ARHGAP42: variants seen among roughly 807,000 people sequenced by gnomAD.
ARHGAP42 encodes rho GTPase-activating protein 42.
Under a neutral mutation model 125.0 loss-of-function variants are expected in ARHGAP42, and 63 were observed. The observed-to-expected ratio is 0.50, with a 90% CI of 0.41 to 0.62. The LOEUF is 0.62. ARHGAP42 is among the 20% of genes least tolerant of loss of function. ARHGAP42 has a pLI of 0.00. For synonymous variants in ARHGAP42, 339 were observed against 351.0 expected, an observed-to-expected ratio of 0.97 and a Z score of 0.38; for missense variants, 766 against 1,024.2, an observed-to-expected ratio of 0.75 and a Z score of 3.44.
intron 1 of ARHGAP42, among the ~76,000 whole-genome samples, chr11:100,718,263 A>G (rs1045515139): frequency 2.0e-5 from 3 of 152,152 alleles, no homozygotes; most frequent in Non-Finnish European, 4.4e-5. Context: ...TTCAAGGTAG[A>G]ACTTGGCCAG....
intron 1 of ARHGAP42, among the ~76,000 whole-genome samples, chr11:100,769,933 C>T (rs1218246182): frequency 2.0e-5 from 3 of 151,922 alleles, no homozygotes; most frequent in Non-Finnish European, 4.4e-5. Flanking sequence ...CTATAACACA[C>T]GTTTACCTAT....
intron 17 of ARHGAP42, among the ~76,000 whole-genome samples, chr11:100,971,768 A>G (rs1308963842): frequency 1.3e-5 from 2 of 152,192 alleles, no homozygotes; most frequent in African/African-American, 2.4e-5. Context: ...GAGATCATAT[A>G]CAATTTATTA....
In ARHGAP42 at chr11:100,989,378, G is replaced by A. The variant is rs569709635; in HGVS notation, c.*577G>A. On this transcript the variant is annotated 3_prime_UTR_variant, in exon 24 of 24. Transcript: ENST00000298815. Reference sequence around the variant, plus strand: ...GATGATAATATTCAAAAGCAATAATGTATATGATATCTATAAAGGAAGCAA... The same window carrying A: ...GATGATAATATTCAAAAGCAATAATATATATGATATCTATAAAGGAAGCAA... The A allele has an allele frequency of 2.8e-6, 1 of 354,758 alleles. No homozygotes were observed. The highest frequency in any genetic ancestry group is 4.1e-5 in the East Asian group (1 of 24,562). The allele number at this position is 354,758 out of a possible 1,614,324, so 22.0% of individuals were successfully genotyped here.
At chr11:100,716,029 G>T (rs80096266) in intron 1 of ARHGAP42, among the ~76,000 whole-genome samples, 4,044 of 152,234 alleles carry the variant, frequency 0.027, 68 homozygotes, top group Non-Finnish European at 0.031. Context: ...AAGCAGAAAT[G>T]AATAATCTTC....
intron 3 of ARHGAP42, among the ~76,000 whole-genome samples, chr11:100,813,353 A>C (rs1450720879): frequency 6.6e-6 from 1 of 152,200 alleles, no homozygotes; most frequent in Non-Finnish European, 1.5e-5. Flanking sequence ...AAAGTCAACC[A>C]GTTGAAAACT....
intron 3 of ARHGAP42, among the ~76,000 whole-genome samples, chr11:100,806,594 A>AT (rs1863995124): frequency 1.9e-5 from 1 of 53,184 alleles, no homozygotes; most frequent in Non-Finnish European, 4.1e-5. Flanking sequence ...TTCACCTGAA[A>AT]TTAAAAAAAA....
At chr11:100,723,037 C>A (rs1233249620) in intron 1 of ARHGAP42, among the ~76,000 whole-genome samples, 1 of 152,130 alleles carries the variant, frequency 6.6e-6, no homozygotes, top group East Asian at 1.9e-4. Context: ...GTTGTTCCAG[C>A]ATCATTTGTT....
intron 5 of ARHGAP42, among the ~76,000 whole-genome samples, chr11:100,916,546 A>T (rs1867070941): frequency 6.6e-6 from 1 of 152,216 alleles, no homozygotes; most frequent in South Asian, 2.1e-4. Context: ...GCAAATAACA[A>T]CATGTCATTT....
intron 4 of ARHGAP42, among the ~76,000 whole-genome samples, chr11:100,865,270 A>T (rs1297669430): frequency 6.6e-6 from 1 of 152,170 alleles, no homozygotes; most frequent in Non-Finnish European, 1.5e-5. Flanking sequence ...TATCCAAAAA[A>T]ATCTATATAT....
chr11:100,688,772 C>G (rs1444623230), intron 1 of ARHGAP42, among the ~76,000 whole-genome samples: 1 of 152,072 alleles, frequency 6.6e-6, no homozygotes, highest in South Asian at 2.1e-4. Flanking sequence ...TCAAAGGAGC[C>G]TGTGAAAAGT....
chr11:100,885,628 T>G (rs900292661), intron 4 of ARHGAP42, among the ~76,000 whole-genome samples: 7 of 152,194 alleles, frequency 4.6e-5, no homozygotes, highest in African/African-American at 1.7e-4. Flanking sequence ...TTTTGAAAAT[T>G]TATTTATCAT....
chr11:100,783,036 C>T (rs1863351499), intron 2 of ARHGAP42, among the ~76,000 whole-genome samples: 3 of 152,138 alleles, frequency 2.0e-5, no homozygotes, highest in Non-Finnish European at 2.9e-5. Flanking sequence ...TGGGCTCTAC[C>T]ATAGGCCTGA....
rs1864173422 is a variant in ARHGAP42, at chr11:100,812,615, A to T, written c.312+17449A>T. On this transcript the variant is annotated intron_variant, in intron 3 of 23. Coordinates refer to ENST00000298815, the MANE Select transcript of ARHGAP42 (RefSeq NM_152432.4). Reference sequence around the variant, plus strand: ...ATGTCATTTAAGCAGAGACCTGACAAAGAAAGAAGTCAGTCTTACAACTCT... The same window carrying T: ...ATGTCATTTAAGCAGAGACCTGACATAGAAAGAAGTCAGTCTTACAACTCT... Among the ~76,000 whole-genome samples the T allele has an allele frequency of 3.3e-5, 5 of 152,224 alleles. No homozygotes were observed. In the South Asian group the frequency reaches 8.3e-4, roughly 25 times the overall value.
chr11:100,709,228 C>T (rs964277212), intron 1 of ARHGAP42, among the ~76,000 whole-genome samples: 4 of 152,100 alleles, frequency 2.6e-5, no homozygotes, highest in South Asian at 2.1e-4. Flanking sequence ...TTAGTAGAGA[C>T]GGCGTTTCAC....
chr11:100,787,139 A>G (rs568905336), intron 2 of ARHGAP42, among the ~76,000 whole-genome samples: 1 of 151,850 alleles, frequency 6.6e-6, no homozygotes, highest in Non-Finnish European at 1.5e-5. Flanking sequence ...TTAGGCGGGC[A>G]TGGTGGTGGG....
At chr11:100,738,345 C>A (rs1288074658) in intron 1 of ARHGAP42, 1 of 152,136 alleles carries the variant, frequency 6.6e-6, no homozygotes, top group Non-Finnish European at 1.5e-5. Context: ...GGCTGCAATT[C>A]ATTGAAATAA....
intron 1 of ARHGAP42, among the ~76,000 whole-genome samples, chr11:100,737,235 T>C (rs1380466664): frequency 6.6e-6 from 1 of 152,230 alleles, no homozygotes; most frequent in Non-Finnish European, 1.5e-5. Flanking sequence ...TAAATGATAA[T>C]AACCTTATGG....
At position 100,770,553 on chromosome 11, in the gene ARHGAP42, A is replaced by C. The variant is rs980022872; in HGVS notation, c.250+115A>C. On this transcript the variant is annotated intron_variant, in intron 2 of 23. Transcript: ENST00000298815. ...TATTTTCTGACTTTGACAATACTAT[A>C]AGAGTGATTTTAGGTTTCTATGGAA... 6 of 803,946 alleles carry C rather than the reference A, an allele frequency of 7.5e-6. No individual in the cohort carries two copies. The Admixed American group carries it at 1.0e-4, about 14-fold the overall frequency. The allele number at this position is 803,946 out of a possible 1,614,324, so 49.8% of individuals were successfully genotyped here. A position where few individuals can be genotyped will look rare whatever the true frequency, so the allele number is the denominator to read the frequency against.
chr11:100,696,211 C>G (rs1861280254), intron 1 of ARHGAP42, among the ~76,000 whole-genome samples: 1 of 152,044 alleles, frequency 6.6e-6, no homozygotes, highest in South Asian at 2.1e-4. Context: ...CACAACAGAG[C>G]AAGACCCTGT....
Sources: allele counts gnomAD v4.1 joint callset (sites outside exome capture counted in the v4.1 genomes callset), GRCh38; gene constraint gnomAD v4.1.1; transcripts MANE v1.5; gene names NCBI Gene and HGNC (gene_info 2026-07-23, HGNC 2026-07-21).